Variants in LRRC4C observed in about 807,000 individuals in gnomAD.
LRRC4C encodes leucine rich repeat containing 4C.
Under a neutral mutation model 33.6 loss-of-function variants are expected in LRRC4C, and 5 were observed. The ratio of observed to expected loss-of-function variants is 0.15; its 90% CI spans 0.08 to 0.31. The LOEUF (loss-of-function observed/expected upper bound fraction) is 0.31, where lower values mean the gene tolerates loss of function less well. Ranked by LOEUF, LRRC4C falls within the 10% of genes least tolerant of loss-of-function variation. LRRC4C has a pLI of 1.00. For missense variants in LRRC4C, 560 were observed against 796.7 expected, an observed-to-expected ratio of 0.70 and a Z score of 3.58; for synonymous variants, 329 against 302.0, an observed-to-expected ratio of 1.09 and a Z score of -0.93.
chr11:40,682,314 G>C (rs1944731339), intron 2 of LRRC4C, among the ~76,000 whole-genome samples: 1 of 151,206 alleles, frequency 6.6e-6, no homozygotes, highest in Non-Finnish European at 1.5e-5. Context: ...GCTAGAAAAG[G>C]GGTAAATAAA....
chr11:40,252,653 C>G (rs1866880963), intron 4 of LRRC4C, among the ~76,000 whole-genome samples: 2 of 152,102 alleles, frequency 1.3e-5, no homozygotes, highest in Non-Finnish European at 2.9e-5. Context: ...TTAAAATAGC[C>G]CAGCTTATGG....
intron 5 of LRRC4C, among the ~76,000 whole-genome samples, chr11:40,231,251 GTT>G (rs1324295538): frequency 1.3e-5 from 2 of 152,114 alleles, no homozygotes; most frequent in Non-Finnish European, 2.9e-5. Context: ...TAGCATTCAC[GTT>G]CAGATTTACA....
At chr11:40,148,484 A>T (rs934268222) in intron 5 of LRRC4C, among the ~76,000 whole-genome samples, 33 of 152,108 alleles carry the variant, frequency 2.2e-4, no homozygotes, top group Non-Finnish European at 4.7e-4. Flanking sequence ...TGTCTTTTTT[A>T]AAAAAGTGTC....
chr11:40,894,933 C>T (rs1382108463), intron 2 of LRRC4C, among the ~76,000 whole-genome samples: 2 of 152,060 alleles, frequency 1.3e-5, no homozygotes, highest in African/African-American at 2.4e-5. Flanking sequence ...TTGTAAGCTC[C>T]ATGAATGTAG....
At chr11:41,353,435 C>T (rs917368670) in intron 1 of LRRC4C, among the ~76,000 whole-genome samples, 1 of 151,976 alleles carries the variant, frequency 6.6e-6, no homozygotes, top group Non-Finnish European at 1.5e-5. Context: ...AAAAATTCTA[C>T]CAGATGTATA....
At chr11:40,307,660 T>C (rs1020589539) in intron 4 of LRRC4C, among the ~76,000 whole-genome samples, 1 of 152,214 alleles carries the variant, frequency 6.6e-6, no homozygotes, top group African/African-American at 2.4e-5. Flanking sequence ...TGAGATTCAT[T>C]GTTTTGTGTC....
chr11:41,225,666 A>G (rs1345077192), intron 1 of LRRC4C, among the ~76,000 whole-genome samples: 2 of 152,048 alleles, frequency 1.3e-5, no homozygotes, highest in East Asian at 1.9e-4. Context: ...TGTTTCTATC[A>G]TATATAAACA....
rs187820959 is a variant in LRRC4C at position 40,961,857 on chromosome 11, C to T, written c.-495-28134G>A. On this transcript the variant is annotated intron_variant, in intron 1 of 6. Transcript: ENST00000528697. Reference sequence around the variant, plus strand: ...TTTAAAAAAACCTTTGAGAAACCTCCACACCAGATGCTGTGTGTTTAGGGT... The same window carrying T: ...TTTAAAAAAACCTTTGAGAAACCTCTACACCAGATGCTGTGTGTTTAGGGT... 1.4e-3 allele frequency among the ~76,000 whole-genome samples: 207 copies of T among 151,688 alleles called. 2 individuals are homozygous for T. Among genetic ancestry groups the T allele is most frequent in the Middle Eastern group, 0.014 (4 of 294 alleles).
intron 1 of LRRC4C, among the ~76,000 whole-genome samples, chr11:41,447,093 C>A (rs951950743): frequency 6.6e-6 from 1 of 152,132 alleles, no homozygotes; most frequent in South Asian, 2.1e-4. Flanking sequence ...TAGCATAAAG[C>A]ATGCTATGAA....
intron 3 of LRRC4C, among the ~76,000 whole-genome samples, chr11:40,546,858 C>T (rs150254099): frequency 1.5e-3 from 232 of 152,210 alleles, no homozygotes; most frequent in African/African-American, 5.3e-3. Flanking sequence ...TTGACTAACA[C>T]TGCAGTAAGT....
chr11:40,274,654 C>T (rs1215002428), intron 4 of LRRC4C, among the ~76,000 whole-genome samples: 8 of 152,034 alleles, frequency 5.3e-5, no homozygotes, highest in South Asian at 2.1e-4. Flanking sequence ...CAAAGACAGT[C>T]CTGTTACCTG....
At chr11:40,190,266 G>T (rs1039124096) in intron 5 of LRRC4C, among the ~76,000 whole-genome samples, 1 of 152,174 alleles carries the variant, frequency 6.6e-6, no homozygotes, top group Non-Finnish European at 1.5e-5. Flanking sequence ...TTTAGATATA[G>T]AACTATAATT....
intron 3 of LRRC4C, among the ~76,000 whole-genome samples, chr11:40,455,384 A>C (rs1233070823): frequency 1.3e-5 from 2 of 152,192 alleles, no homozygotes; most frequent in Non-Finnish European, 2.9e-5. Context: ...TTATTTAACT[A>C]GAGTTCTGCC....
At chr11:41,310,998 A>G (rs1039331985) in intron 1 of LRRC4C, among the ~76,000 whole-genome samples, 1 of 152,148 alleles carries the variant, frequency 6.6e-6, no homozygotes, top group East Asian at 1.9e-4. Flanking sequence ...AAGTATTAAT[A>G]TTATTTCCAA....
chr11:40,692,153 A>G (rs1263899850), intron 2 of LRRC4C, among the ~76,000 whole-genome samples: 3 of 152,056 alleles, frequency 2.0e-5, no homozygotes, highest in African/African-American at 7.2e-5. Flanking sequence ...TGTCTCTGAG[A>G]AAATGAACCC....
intron 2 of LRRC4C, among the ~76,000 whole-genome samples, chr11:40,796,938 G>A (rs1177142835): frequency 6.6e-6 from 1 of 152,034 alleles, no homozygotes; most frequent in Non-Finnish European, 1.5e-5. Flanking sequence ...GAGCCACCAC[G>A]CCTAAGCCAT....
At chr11:40,932,478 A>G (rs866504276) in intron 2 of LRRC4C, among the ~76,000 whole-genome samples, 1 of 152,144 alleles carries the variant, frequency 6.6e-6, no homozygotes, top group Non-Finnish European at 1.5e-5. Flanking sequence ...AGTTGGTTAT[A>G]TGTTTCCAGG....
chr11:40,691,322 C>T (rs180742211), intron 2 of LRRC4C, among the ~76,000 whole-genome samples: 76 of 152,096 alleles, frequency 5.0e-4, no homozygotes, highest in Non-Finnish European at 7.4e-5. Context: ...GATACAGTTG[C>T]TGGGCTAAGC....
At chr11:40,333,530 A>C (rs189960052) in intron 3 of LRRC4C, among the ~76,000 whole-genome samples, 148 of 152,140 alleles carry the variant, frequency 9.7e-4, no homozygotes, top group African/African-American at 3.2e-3. Context: ...CAGCATGGCC[A>C]ACATGGTGAA....
Sources: allele counts gnomAD v4.1 joint callset (sites outside exome capture counted in the v4.1 genomes callset), GRCh38; gene constraint gnomAD v4.1.1; transcripts MANE v1.5; gene names NCBI Gene and HGNC (gene_info 2026-07-23, HGNC 2026-07-21).